COP1: variants seen among roughly 807,000 people sequenced by gnomAD.
COP1 encodes the protein COP1 E3 ubiquitin ligase.
In COP1, 24 loss-of-function variants were observed where a neutral mutation model predicts 101.3. The ratio of observed to expected loss-of-function variants is 0.24; its 90% CI spans 0.17 to 0.33. COP1 has a LOEUF of 0.33. Ranked by LOEUF, COP1 falls within the 10% of genes least tolerant of loss-of-function variation. The pLI is 1.00. For missense variants in COP1, 663 were observed against 906.2 expected, an observed-to-expected ratio of 0.73 and a Z score of 3.45; for synonymous variants, 347 against 341.9, an observed-to-expected ratio of 1.01 and a Z score of -0.17.
rs542487116 is a variant in COP1, at chr1:176,103,081, T to C, written c.1026+13543A>G. Among the ~76,000 whole-genome samples the C allele has an allele frequency of 2.6e-5, 4 of 152,336 alleles. No individual in the cohort carries two copies. The East Asian group carries it at 7.7e-4, about 29-fold the overall frequency. ...TACTCTTTCTCTATTGCAATTCCAG[T>C]GTCTTGATAAATCAGCTCTGTCTAG... On this transcript the variant is annotated intron_variant, in intron 9 of 19. Transcript: ENST00000367669.
At chr1:175,989,012 C>T (rs1657786543) in intron 16 of COP1, 1 of 173,300 alleles carries the variant, frequency 5.8e-6, no homozygotes, top group African/African-American at 2.4e-5. Flanking sequence ...TAAAATACTT[C>T]TCATTCTATT....
intron 11 of COP1, among the ~76,000 whole-genome samples, chr1:176,072,887 T>C (rs1014298497): frequency 2.3e-4 from 35 of 152,288 alleles, no homozygotes; most frequent in Middle Eastern, 3.4e-3. Flanking sequence ...TTGACCTCCT[T>C]ATAGGAATAG....
intron 11 of COP1, among the ~76,000 whole-genome samples, chr1:176,073,195 T>G (rs1342618947): frequency 6.6e-6 from 1 of 152,194 alleles, no homozygotes; most frequent in Non-Finnish European, 1.5e-5. Context: ...AGGGAATTGA[T>G]GTAAAATATT....
chr1:176,025,667 A>C (rs1667541878), intron 15 of COP1, among the ~76,000 whole-genome samples: 1 of 152,122 alleles, frequency 6.6e-6, no homozygotes. Context: ...AGGTAGGCAG[A>C]CTGCTTGAGC....
intron 18 of COP1, among the ~76,000 whole-genome samples, chr1:175,976,740 T>C (rs1436383496): frequency 6.6e-6 from 1 of 152,184 alleles, no homozygotes; most frequent in Admixed American, 6.5e-5. Context: ...AAATTATTCT[T>C]GGCTGCTACA....
At chr1:176,158,358 G>A (rs756022148) in intron 5 of COP1, among the ~76,000 whole-genome samples, 10 of 151,950 alleles carry the variant, frequency 6.6e-5, no homozygotes, top group South Asian at 2.1e-4. Flanking sequence ...GAAATAATTC[G>A]CCTCTCGCCG....
rs149226541 is a variant in COP1, at chr1:176,102,886, A to G, written c.1026+13738T>C. Reference sequence around the variant, plus strand: ...AGGAATTGACTCAGTGCAAGAGGACAGCTTCAATTCCCCATGATTTCATCT... The same window carrying G: ...AGGAATTGACTCAGTGCAAGAGGACGGCTTCAATTCCCCATGATTTCATCT... On this transcript the variant is annotated intron_variant, in intron 9 of 19. Transcript: ENST00000367669. Among the ~76,000 whole-genome samples, 399 of 152,322 alleles carry G rather than the reference A, an allele frequency of 2.6e-3. 3 individuals carry two copies. The highest frequency in any genetic ancestry group is 9.2e-3 in the African/African-American group (381 of 41,576).
intron 18 of COP1, among the ~76,000 whole-genome samples, chr1:175,958,760 A>G (rs1650983754): frequency 6.6e-6 from 1 of 151,996 alleles, no homozygotes. Flanking sequence ...TCCTATAAAA[A>G]CTTACCCAAC....
intron 5 of COP1, among the ~76,000 whole-genome samples, chr1:176,150,940 T>C (rs776906601): frequency 8.5e-5 from 13 of 152,164 alleles, no homozygotes; most frequent in Middle Eastern, 3.4e-3. Context: ...CAATTTCACA[T>C]ATAAATATGA....
intron 15 of COP1, among the ~76,000 whole-genome samples, chr1:176,003,206 TTTC>T (rs918931664): frequency 6.6e-6 from 1 of 152,196 alleles, no homozygotes. Context: ...ATGGGGTTGT[TTTC>T]TTGTAAATTT....
chr1:176,145,589 T>C (rs1437471964), intron 6 of COP1, among the ~76,000 whole-genome samples: 1 of 151,924 alleles, frequency 6.6e-6, no homozygotes, highest in Non-Finnish European at 1.5e-5. Flanking sequence ...AGCCCCAAAC[T>C]GAAAACAACT....
In COP1 at chr1:176,160,411, T is replaced by C. The variant is rs145719085; in HGVS notation, c.762+2458A>G. 3.3e-3 allele frequency: 780 copies of C among 234,138 alleles called. 7 individuals are homozygous for C. Among genetic ancestry groups the C allele is most frequent in the African/African-American group, 0.017 (718 of 42,970 alleles). 14.5% of individuals were successfully genotyped at this position (234,138 alleles called of 1,614,324 possible). A position where few individuals can be genotyped will look rare whatever the true frequency, so the allele number is the denominator to read the frequency against. ...AAAGCAATGGCAACAAAAGCCAAAA[T>C]TGGCATATGGGATCTAATTAAACTA... is the stretch of plus-strand genomic sequence containing the variant. On this transcript the variant is annotated intron_variant, in intron 5 of 19. Transcript: ENST00000367669.
intron 1 of COP1, among the ~76,000 whole-genome samples, chr1:176,204,206 C>G (rs573431792): frequency 3.3e-5 from 5 of 152,302 alleles, no homozygotes; most frequent in African/African-American, 1.2e-4. Flanking sequence ...AATTACTTCT[C>G]TGTGCCTCAA....
At chr1:175,982,321 A>G (rs1656066360) in intron 18 of COP1, 2 of 455,688 alleles carry the variant, frequency 4.4e-6, no homozygotes, top group African/African-American at 2.0e-5. Flanking sequence ...AAAACATGGT[A>G]TACAGCTGAC....
chr1:175,958,991 C>T (rs1651008422), intron 18 of COP1, among the ~76,000 whole-genome samples: 1 of 151,788 alleles, frequency 6.6e-6, no homozygotes, highest in Admixed American at 6.6e-5. Flanking sequence ...AAATCAAAAC[C>T]TGACATGGAC....
chr1:176,029,468 C>A lies in COP1; in HGVS notation c.1613-1780G>T, dbSNP rs371330853. ...ATAAAAACAGTAAGACAGGATACAC[C>A]CATAAAATAGATTTTCAGTATATAA... On this transcript the variant is annotated intron_variant, in intron 14 of 19. Coordinates refer to ENST00000367669, the MANE Select transcript of COP1 (RefSeq NM_022457.7). Among the ~76,000 whole-genome samples the A allele has an allele frequency of 1.4e-4, 22 of 152,188 alleles. No individual in the cohort carries two copies. In the East Asian group the frequency reaches 3.7e-3, roughly 25 times the overall value.
chr1:176,030,460 T>C (rs1302276243), intron 14 of COP1, among the ~76,000 whole-genome samples: 1 of 152,170 alleles, frequency 6.6e-6, no homozygotes, highest in East Asian at 1.9e-4. Context: ...TTATGTATCG[T>C]TGTTTAACGT....
chr1:175,961,221 A>T (rs1651299670), intron 18 of COP1, among the ~76,000 whole-genome samples: 1 of 151,998 alleles, frequency 6.6e-6, no homozygotes, highest in Admixed American at 6.6e-5. Flanking sequence ...CCAAATAAAA[A>T]CCCTGTCATA....
At chr1:176,193,646 T>C (rs1043764105) in intron 1 of COP1, among the ~76,000 whole-genome samples, 2 of 152,188 alleles carry the variant, frequency 1.3e-5, no homozygotes, top group Non-Finnish European at 2.9e-5. Flanking sequence ...GAAGTGCTGA[T>C]ACATGTCACA....
Sources: gnomAD v4.1 joint callset for allele counts (sites outside exome capture counted in the v4.1 genomes callset) on GRCh38, gnomAD v4.1.1 for gene constraint, MANE v1.5 for transcripts, NCBI Gene and HGNC (gene_info 2026-07-23, HGNC 2026-07-21) for gene names.